The following PDE1C variants were observed in gnomAD, a reference collection of about 807,000 sequenced individuals.
PDE1C encodes phosphodiesterase 1C, also known as dual specificity calcium/calmodulin-dependent 3',5'-cyclic nucleotide phosphodiesterase 1C.
Under a neutral mutation model 93.1 loss-of-function variants are expected in PDE1C, and 62 were observed. The ratio of observed to expected loss-of-function variants is 0.67; its 90% CI spans 0.54 to 0.82. The LOEUF is 0.82. Among genes scored for constraint, PDE1C ranks in the 40% least tolerant of loss-of-function variants. PDE1C has a pLI of 0.00. For synonymous variants in PDE1C, 325 were observed against 310.1 expected (o/e 1.05, Z -0.50); for missense variants, 742 against 884.6 (o/e 0.84, Z 2.04).
Position 32,221,573 on chromosome 7 carries a change from G to C in PDE1C, c.86-12034C>G, listed in dbSNP as rs968291474. The stretch of plus-strand genomic sequence containing the variant: ...GAACAAACTCTCAGGTGATGGCTCT[G>C]GTCCAGGTACCATACTTTGAGTAGC... On this transcript the variant is annotated intron_variant, in intron 1 of 18. Coordinates refer to the PDE1C transcript ENST00000396193. Among the ~76,000 whole-genome samples the C allele has an allele frequency of 1.4e-4, 21 of 152,124 alleles. 1 individual carries two copies. Among genetic ancestry groups the C allele is most frequent in the Admixed American group, 7.9e-4 (12 of 15,284 alleles).
chr7:32,220,530 G>A (rs1242876102), intron 1 of PDE1C, among the ~76,000 whole-genome samples: 1 of 152,052 alleles, frequency 6.6e-6, no homozygotes, highest in East Asian at 1.9e-4. Flanking sequence ...GAACCCTCTG[G>A]TCCAGCCGGG....
chr7:32,404,723 G>C (rs1785017113), intron 1 of PDE1C, among the ~76,000 whole-genome samples: 1 of 152,082 alleles, frequency 6.6e-6, no homozygotes, highest in Non-Finnish European at 1.5e-5. Flanking sequence ...ATGTGCGTGT[G>C]GGGTGGGGGT....
At chr7:31,905,068 A>G (rs1471840569) in intron 2 of PDE1C, among the ~76,000 whole-genome samples, 1 of 152,300 alleles carries the variant, frequency 6.6e-6, no homozygotes, top group Non-Finnish European at 1.5e-5. Context: ...ACAGCCTAAT[A>G]GTATGAATTC....
chr7:32,377,003 A>G (rs1243566007), intron 1 of PDE1C, among the ~76,000 whole-genome samples: 1 of 152,110 alleles, frequency 6.6e-6, no homozygotes, highest in African/African-American at 2.4e-5. Context: ...CCCTTTCTAA[A>G]GATCCAGTAA....
At chr7:31,675,043 C>G in the PDE1C span, among the ~76,000 whole-genome samples, 1 of 152,170 alleles carries the variant, frequency 6.6e-6, no homozygotes, top group Non-Finnish European at 1.5e-5. Context: ...TTTTCTGCAT[C>G]AAGCAAGACC....
intron 2 of PDE1C, among the ~76,000 whole-genome samples, chr7:32,185,290 T>TG (rs1554282349): frequency 6.6e-6 from 1 of 151,244 alleles, no homozygotes; most frequent in Non-Finnish European, 1.5e-5. Flanking sequence ...AAAGCCAACT[T>TG]GCATTACTCA....
chr7:31,703,426 G>A, the PDE1C span, among the ~76,000 whole-genome samples: 6 of 152,248 alleles, frequency 3.9e-5, no homozygotes, highest in East Asian at 1.9e-4. Flanking sequence ...ACAACACAGC[G>A]TAAACAAGAG....
rs1562682190 is a variant in PDE1C, at chr7:32,341,178, T to TTTATTTTTTTTTATTTTA, written c.310+86643_310+86644insTAAAATAAAAAAAAATAA. On this transcript the variant is annotated intron_variant, in intron 1 of 1. Transcript: ENST00000672256. ...AACTACTCTAGAAATAAAGTCTTTT[T>TTTATTTTTTTTTATTTTA]TTTTTTTTTTTTTTTGAGACGGAGT... Among the ~76,000 whole-genome samples the TTTATTTTTTTTTATTTTA allele has an allele frequency of 5.9e-3, 649 of 110,592 alleles. 14 individuals carry two copies. Among genetic ancestry groups the TTTATTTTTTTTTATTTTA allele is most frequent in the African/African-American group, 0.02 (618 of 30,970 alleles). 72.6% of individuals were successfully genotyped at this position (110,592 alleles called of 152,430 possible).
At chr7:32,181,214 C>G (rs1308029068) in intron 2 of PDE1C, among the ~76,000 whole-genome samples, 1 of 152,098 alleles carries the variant, frequency 6.6e-6, no homozygotes, top group African/African-American at 2.4e-5. Context: ...CTTTAACACC[C>G]CACTGTCAAC....
intron 2 of PDE1C, among the ~76,000 whole-genome samples, chr7:31,967,218 C>T (rs113543278): frequency 0.012 from 1,882 of 152,034 alleles, 15 homozygotes; most frequent in Non-Finnish European, 0.021. Context: ...GCTAGCAAGA[C>T]TAATAAAGAA....
intron 1 of PDE1C, among the ~76,000 whole-genome samples, chr7:32,257,850 G>A (rs1339190562): frequency 6.6e-6 from 1 of 152,188 alleles, no homozygotes; most frequent in Non-Finnish European, 1.5e-5. Context: ...ATCTCTGGGA[G>A]CAGAACCAAA....
chr7:32,339,416 A>G (rs1783701856), intron 1 of PDE1C, among the ~76,000 whole-genome samples: 1 of 152,176 alleles, frequency 6.6e-6, no homozygotes, highest in Admixed American at 6.5e-5. Flanking sequence ...AGATGAAGAG[A>G]GCTCTGGAGA....
At chr7:31,873,664 G>T (rs1384957129) in intron 5 of PDE1C, among the ~76,000 whole-genome samples, 1 of 152,162 alleles carries the variant, frequency 6.6e-6, no homozygotes, top group African/African-American at 2.4e-5. Flanking sequence ...AGGCATTATG[G>T]TTGGTGATAA....
intron 1 of PDE1C, among the ~76,000 whole-genome samples, chr7:32,223,744 C>G (rs1807051032): frequency 6.6e-6 from 1 of 152,274 alleles, no homozygotes; most frequent in Middle Eastern, 3.4e-3. Context: ...GGCACAAGCC[C>G]CCCTCATCAA....
the PDE1C span, among the ~76,000 whole-genome samples, chr7:31,712,079 T>C: frequency 2.0e-5 from 3 of 152,224 alleles, no homozygotes; most frequent in Non-Finnish European, 4.4e-5. Context: ...AGAAACCTGA[T>C]CACAAGCCAT....
chr7:31,671,683 T>C, the PDE1C span, among the ~76,000 whole-genome samples: 2 of 152,110 alleles, frequency 1.3e-5, no homozygotes, highest in African/African-American at 4.8e-5. Flanking sequence ...TCCACCTAAG[T>C]CCACCATGCT....
chr7:32,016,179 G>T (rs1332070023), intron 2 of PDE1C, among the ~76,000 whole-genome samples: 1 of 152,238 alleles, frequency 6.6e-6, no homozygotes, highest in Non-Finnish European at 1.5e-5. Context: ...GCCCTGCTCT[G>T]CAGGAGAAGT....
At chr7:31,836,338 C>CT (rs34721965) in intron 11 of PDE1C, among the ~76,000 whole-genome samples, 3 of 151,988 alleles carry the variant, frequency 2.0e-5, no homozygotes, top group South Asian at 2.1e-4. Context: ...CCTGCCTGTT[C>CT]TTTTTTTCTT....
chr7:31,834,237 C>A (rs1396281575), intron 11 of PDE1C, among the ~76,000 whole-genome samples: 1 of 152,206 alleles, frequency 6.6e-6, no homozygotes, highest in Non-Finnish European at 1.5e-5. Context: ...TCATGGATAA[C>A]CTCTGCTATG....
Sources: gnomAD v4.1 joint callset for allele counts (sites outside exome capture counted in the v4.1 genomes callset) on GRCh38, gnomAD v4.1.1 for gene constraint, MANE v1.5 for transcripts, NCBI Gene and HGNC (gene_info 2026-07-23, HGNC 2026-07-21) for gene names.